Variants in PHAX observed in about 807,000 individuals in gnomAD.
The protein encoded by PHAX is phosphorylated adapter RNA export protein.
In PHAX, 31 loss-of-function variants were observed where a neutral mutation model predicts 41.6. The ratio of observed to expected loss-of-function variants is 0.75; its 90% CI spans 0.56 to 1.01. PHAX has a LOEUF of 1.01. Ranked by LOEUF, PHAX falls within the 50% of genes least tolerant of loss-of-function variation. PHAX has a pLI of 0.00. For missense variants in PHAX, 453 were observed against 472.9 expected, an observed-to-expected ratio of 0.96 and a Z score of 0.39; for synonymous variants, 175 against 164.9, an observed-to-expected ratio of 1.06 and a Z score of -0.47.
intron 2 of PHAX, among the ~76,000 whole-genome samples, chr5:126,604,643 A>C (rs1751962466): frequency 6.6e-6 from 1 of 151,642 alleles, no homozygotes; most frequent in Non-Finnish European, 1.5e-5. Flanking sequence ...ATCACACCTC[A>C]CTGGAACCTA....
chr5:126,609,397 G>A (rs540412280), intron 3 of PHAX, among the ~76,000 whole-genome samples: 80 of 152,156 alleles, frequency 5.3e-4, no homozygotes, highest in Non-Finnish European at 8.7e-4. Flanking sequence ...CACTGCACCC[G>A]GCCAAAGGGT....
chr5:126,615,720 A>G (rs1463231842), intron 3 of PHAX, among the ~76,000 whole-genome samples: 1 of 152,140 alleles, frequency 6.6e-6, no homozygotes, highest in East Asian at 1.9e-4. Flanking sequence ...ATATGTTTTC[A>G]ATAAGGTGTC....
At position 126,604,258 on chromosome 5, in the gene PHAX, C is replaced by G. The variant is rs1156883960; in HGVS notation, c.710+75C>G. 7.8e-6 allele frequency: 6 copies of G among 769,452 alleles called. No individual in the cohort carries two copies. In the African/African-American group the frequency reaches 8.7e-5, roughly 11 times the overall value. The allele number at this position is 769,452 out of a possible 1,614,324, so 47.7% of individuals were successfully genotyped here. A position where few individuals can be genotyped will look rare whatever the true frequency, so the allele number is the denominator to read the frequency against. On this transcript the variant is annotated intron_variant, in intron 2 of 4. Coordinates refer to ENST00000297540, the MANE Select transcript of PHAX (RefSeq NM_032177.4). ...CAGGAAATAAAATGAATGCCAAATA[C>G]TTTAATGATATGTTCCTTTTTTTTT...
rs62617159 is a variant in PHAX, at chr5:126,604,023, A to G, written c.550A>G (p.Lys184Glu). The G allele has an allele frequency of 2.5e-3, 4,079 of 1,614,084 alleles. 15 individuals are homozygous for G. The highest frequency in any genetic ancestry group is 2.9e-3 in the Non-Finnish European group (3,435 of 1,180,024). The change falls in exon 2 of 5, where the codon AAA becomes GAA. Residue 184 changes from lysine to glutamate, a missense_variant. Lys to Glu is a moderately conservative substitution (Grantham distance 56). Transcript: ENST00000297540. ...ELDEYMHGGK[K>E]MGSKEEENGQ... is the part of the protein sequence containing the mutation. ...AGATGAATATATGCATGGTGGCAAA[A>G]AAATGGGATCAAAGGAAGAGGAAAA...
At chr5:126,607,783 CAAAATG>C in intron 2 of PHAX, among the ~76,000 whole-genome samples, 1 of 152,112 alleles carries the variant, frequency 6.6e-6, no homozygotes, top group Non-Finnish European at 1.5e-5. Flanking sequence ...CTCTCAGTGA[CAAAATG>C]AAAACGATAG....
intron 3 of PHAX, among the ~76,000 whole-genome samples, chr5:126,613,329 A>T (rs1752134874): frequency 6.6e-6 from 1 of 152,174 alleles, no homozygotes; most frequent in Non-Finnish European, 1.5e-5. Flanking sequence ...ATCCTGGGCA[A>T]CAAGAACATG....
intron 3 of PHAX, 78 bp downstream of exon 3, chr5:126,608,562 C>T (rs1227760695): frequency 1.8e-6 from 2 of 1,093,822 alleles, no homozygotes; most frequent in South Asian, 1.4e-5. Context: ...TAACTTTGCC[C>T]TTGTTGGATC....
At chr5:126,601,277 C>A (rs972931575) in intron 1 of PHAX, among the ~76,000 whole-genome samples, 2 of 152,052 alleles carry the variant, frequency 1.3e-5, no homozygotes, top group Non-Finnish European at 2.9e-5. Context: ...CGAGGGGCGA[C>A]GGCGGCAGCG....
rs937910422 is a variant in PHAX at position 126,625,309 on chromosome 5, A to G, written c.*465A>G. 1 of 155,150 alleles carries G rather than the reference A, an allele frequency of 6.4e-6. No homozygotes were observed. The highest frequency in any genetic ancestry group is 2.4e-5 in the African/African-American group (1 of 41,476). The allele number at this position is 155,150 out of a possible 1,614,324, so 9.6% of individuals were successfully genotyped here. On this transcript the variant is annotated 3_prime_UTR_variant, in exon 5 of 5. Coordinates refer to ENST00000297540, the MANE Select transcript of PHAX (RefSeq NM_032177.4). ...TCAGGCAATTTTAAGGATAAAAACT[A>G]ACATTGGCCAGGCACGGTGGCTCAC...
Position 126,608,580 on chromosome 5 carries a change from T to C in PHAX, c.831+96T>C, listed in dbSNP as rs77709536. On this transcript the variant is annotated intron_variant, in intron 3 of 4. Coordinates refer to ENST00000297540, the MANE Select transcript of PHAX (RefSeq NM_032177.4). ...CTTTGCCCTTGTTGGATCTGTGATT[T>C]ATCATGCATTCTTACAGTATGTTTG... The C allele has an allele frequency of 3.7e-4, 338 of 911,642 alleles. No homozygotes were observed. In the African/African-American group the frequency reaches 5.0e-3, roughly 14 times the overall value. The allele number at this position is 911,642 out of a possible 1,614,324, so 56.5% of individuals were successfully genotyped here. A position where few individuals can be genotyped will look rare whatever the true frequency, so the allele number is the denominator to read the frequency against.
At position 126,626,432 on chromosome 5, in the gene PHAX, A is replaced by G. The variant is rs1752352788; in HGVS notation, c.*1588A>G. The G allele has an allele frequency of 6.6e-6, 1 of 151,952 alleles. No individual in the cohort carries two copies. Among genetic ancestry groups the G allele is most frequent in the African/African-American group, 2.4e-5 (1 of 41,348 alleles). The allele number at this position is 151,952 out of a possible 1,614,324, so 9.4% of individuals were successfully genotyped here. A position where few individuals can be genotyped will look rare whatever the true frequency, so the allele number is the denominator to read the frequency against. ...TACATGGTGAAACCCCATCTCAACTAAAAATACAAAAAATACAAAAAATTA... is the reference window on the plus strand; with the variant it reads ...TACATGGTGAAACCCCATCTCAACTGAAAATACAAAAAATACAAAAAATTA... On this transcript the variant is annotated 3_prime_UTR_variant, in exon 5 of 5. Coordinates refer to ENST00000297540, the MANE Select transcript of PHAX (RefSeq NM_032177.4).
At chr5:126,601,369 G>A (rs1183830881) in intron 1 of PHAX, among the ~76,000 whole-genome samples, 2 of 152,314 alleles carry the variant, frequency 1.3e-5, no homozygotes, top group East Asian at 1.9e-4. Flanking sequence ...CTGGAGGCCG[G>A]CTTGCGGCGG....
rs1751952871 is a variant in PHAX at position 126,604,169 on chromosome 5, T to C, written c.696T>C (p.Asp232=). 1 of 1,530,114 alleles carries C rather than the reference T, an allele frequency of 6.5e-7. No individual in the cohort carries two copies. Among genetic ancestry groups the C allele is most frequent in the Non-Finnish European group, 8.8e-7 (1 of 1,141,558 alleles). The allele number at this position is 1,530,114 out of a possible 1,614,324, so 94.8% of individuals were successfully genotyped here. ...AAGATTCTCAAGAGAAAGTGGCTGA[T>C]GAAATTTCATTCAGGTGAGCATTTG... is the stretch of plus-strand genomic sequence containing the variant. ...TAEDSQEKVA[D]EISFRLQEPK... Residue 232 remains aspartate, a synonymous_variant, in exon 2 of 5, where the codon GAT becomes GAC. Coordinates refer to ENST00000297540, the MANE Select transcript of PHAX (RefSeq NM_032177.4).
chr5:126,617,227 AC>A, intron 3 of PHAX, 22 bp from the exon 4 acceptor site: 2 of 1,513,068 alleles, frequency 1.3e-6, no homozygotes, highest in Non-Finnish European at 1.8e-6. Flanking sequence ...TATGCAGTTT[AC>A]CTTTTCTGTT....
chr5:126,609,971 A>G (rs1752055068), intron 3 of PHAX, among the ~76,000 whole-genome samples: 1 of 152,184 alleles, frequency 6.6e-6, no homozygotes, highest in African/African-American at 2.4e-5. Flanking sequence ...TCCTGAGCTC[A>G]GGCAATCCGC....
At chr5:126,605,400 G>T (rs550201379) in intron 2 of PHAX, among the ~76,000 whole-genome samples, 14 of 151,862 alleles carry the variant, frequency 9.2e-5, no homozygotes, top group Admixed American at 2.6e-4. Context: ...TTTTCTGTTG[G>T]TTTTTTGTTT....
chr5:126,608,555 C>A, intron 3 of PHAX, 71 bp downstream of exon 3: 1 of 1,208,248 alleles, frequency 8.3e-7, no homozygotes, highest in African/African-American at 1.5e-5. Context: ...ACAAATTTAA[C>A]TTTGCCCTTG....
At chr5:126,609,276 T>G (rs555049235) in intron 3 of PHAX, among the ~76,000 whole-genome samples, 1 of 151,902 alleles carries the variant, frequency 6.6e-6, no homozygotes, top group East Asian at 2.0e-4. Flanking sequence ...AACGTTTGTA[T>G]TTTTAGTAGA....
chr5:126,622,117 C>T (rs1752281548), intron 4 of PHAX, among the ~76,000 whole-genome samples: 1 of 151,802 alleles, frequency 6.6e-6, no homozygotes, highest in Non-Finnish European at 1.5e-5. Flanking sequence ...CCACGCCTGG[C>T]TAATTTTTGT....
Sources: gnomAD v4.1 joint callset for allele counts (sites outside exome capture counted in the v4.1 genomes callset) on GRCh38, gnomAD v4.1.1 for gene constraint, MANE v1.5 for transcripts, NCBI Gene and HGNC (gene_info 2026-07-23, HGNC 2026-07-21) for gene names.